SNAPC1: variants seen among roughly 807,000 people sequenced by gnomAD.
The protein encoded by SNAPC1 is snRNA-activating protein complex subunit 1.
In SNAPC1, 42 loss-of-function variants were observed where a neutral mutation model predicts 50.1. The observed-to-expected ratio is 0.84, with a 90% CI of 0.65 to 1.08. The LOEUF (loss-of-function observed/expected upper bound fraction) is 1.08, where lower values mean the gene tolerates loss of function less well. SNAPC1 is among the 50% of genes least tolerant of loss of function. The probability of loss-of-function intolerance (pLI) is 0.00; values close to 1 mark genes in which losing one functional copy is unlikely to be tolerated. For synonymous variants in SNAPC1, 164 were observed against 144.2 expected (o/e 1.14, Z -0.98); for missense variants, 477 against 427.3 (o/e 1.12, Z -1.02).
intron 8 of SNAPC1, among the ~76,000 whole-genome samples, chr14:61,790,312 G>T (rs2045142928): frequency 6.6e-6 from 1 of 152,176 alleles, no homozygotes; most frequent in South Asian, 2.1e-4. Context: ...TGCTATGATG[G>T]ATGAAGATGA....
chr14:61,791,719 T>C (rs1379655117), intron 8 of SNAPC1, among the ~76,000 whole-genome samples: 1 of 152,106 alleles, frequency 6.6e-6, no homozygotes, highest in Non-Finnish European at 1.5e-5. Context: ...CGTGATGGCA[T>C]TCACCTGTAG....
chr14:61,766,813 T>C, intron 1 of SNAPC1, 63 bp from the exon 2 acceptor site: 2 of 939,998 alleles, frequency 2.1e-6, no homozygotes, highest in Non-Finnish European at 3.4e-6. Context: ...GTATATACTT[T>C]TGGCTTTTGT....
In SNAPC1 at chr14:61,762,481, G is replaced by T; in HGVS notation, c.21G>T (p.Leu7=). 1 of 1,613,784 alleles carries T rather than the reference G, an allele frequency of 6.2e-7. No homozygotes were observed. Among genetic ancestry groups the T allele is most frequent in the Non-Finnish European group, 8.5e-7 (1 of 1,179,958 alleles). MGTPPG[L]QTDCEALLSR... is the part of the protein sequence containing the mutation. ...GTGCCATGGGGACTCCTCCCGGCCT[G>T]CAGACCGACTGCGAGGCGCTGCTCA... The change falls in exon 1 of 10, where the codon CTG becomes CTT. Residue 7 remains leucine (L), a synonymous_variant. Transcript: ENST00000216294.
chr14:61,772,302 C>T (rs1007568069), intron 4 of SNAPC1, among the ~76,000 whole-genome samples: 2 of 151,942 alleles, frequency 1.3e-5, no homozygotes, highest in Admixed American at 1.3e-4. Flanking sequence ...GGCTGGAGTG[C>T]AGTGGTATGA....
chr14:61,774,363 A>G (rs2045018075), intron 4 of SNAPC1, among the ~76,000 whole-genome samples: 1 of 152,038 alleles, frequency 6.6e-6, no homozygotes, highest in South Asian at 2.1e-4. Context: ...AAGCTTGTTT[A>G]ATACTTAACA....
In SNAPC1 at chr14:61,762,582, T is replaced by A. The variant is rs1264518896; in HGVS notation, c.122T>A (p.Ile41Asn). ...TGGAGAAACATGAAGTTCGGGACTA[T>A]CTTCTGGTGGGTGTTTCTTGTCCAC... ...ELWRNMKFGT[I>N]FCGRMRNLEK... The change falls in exon 1 of 10, where the codon ATC (isoleucine) becomes AAC (asparagine). Residue 41 changes from isoleucine (I) to asparagine (N), a missense_variant. By Grantham distance (149) the Ile-to-Asn change is moderately radical (BLOSUM62 -3). Coordinates refer to ENST00000216294, the MANE Select transcript of SNAPC1 (RefSeq NM_003082.4). 3 of 1,613,234 alleles carry A rather than the reference T, an allele frequency of 1.9e-6. No homozygotes were observed. The South Asian group carries it at 3.3e-5, about 18-fold the overall frequency.
chr14:61,771,080 C>T (rs967028664), intron 4 of SNAPC1, among the ~76,000 whole-genome samples: 2 of 152,062 alleles, frequency 1.3e-5, no homozygotes, highest in Non-Finnish European at 2.9e-5. Context: ...CTGTAATTAT[C>T]CTCAGATTCT....
intron 1 of SNAPC1, among the ~76,000 whole-genome samples, chr14:61,765,176 C>CTT (rs2044937889): frequency 6.6e-6 from 1 of 152,128 alleles, no homozygotes; most frequent in African/African-American, 2.4e-5. Flanking sequence ...GTTACATTGA[C>CTT]TTTTTTAAGG....
rs1316135680 is a variant in SNAPC1 at position 61,766,980 on chromosome 14, C to G, written c.233C>G (p.Ala78Gly). Residue 78 changes from alanine to glycine, a missense_variant, in exon 2 of 10, where the codon GCT (alanine) becomes GGT (glycine). Coordinates refer to ENST00000216294, the MANE Select transcript of SNAPC1 (RefSeq NM_003082.4). Reference sequence around the variant, plus strand: ...TACACCTTCCAGATCAGAGTTGGTGCTTTGTATCTGCTATATGGATTATAT... The same window carrying G: ...TACACCTTCCAGATCAGAGTTGGTGGTTTGTATCTGCTATATGGATTATAT... ...PPYTFQIRVG[A>G]LYLLYGLYNT... is the part of the protein sequence containing the mutation. 6.2e-7 allele frequency: 1 copy of G among 1,610,598 alleles called. No individual in the cohort carries two copies. Among genetic ancestry groups the G allele is most frequent in the Non-Finnish European group, 8.5e-7 (1 of 1,177,048 alleles).
Position 61,762,423 on chromosome 14 carries a change from G to A in SNAPC1, c.-38G>A. The A allele has an allele frequency of 1.2e-6, 2 of 1,603,834 alleles. No individual in the cohort carries two copies. Among genetic ancestry groups the A allele is most frequent in the East Asian group, 2.2e-5 (1 of 44,742 alleles). ...GACCACCGCTGGCTAGTCCGTTAGAGGCGTGCGGGCTTCGGAGGCGTGCGG... is the reference window on the plus strand; with the variant it reads ...GACCACCGCTGGCTAGTCCGTTAGAAGCGTGCGGGCTTCGGAGGCGTGCGG... On this transcript the variant is annotated 5_prime_UTR_variant, in exon 1 of 10. Transcript: ENST00000216294.
chr14:61,792,370 G>T (rs1007316892), intron 8 of SNAPC1, among the ~76,000 whole-genome samples: 3 of 152,192 alleles, frequency 2.0e-5, no homozygotes, highest in Admixed American at 1.3e-4. Flanking sequence ...AATATATCTT[G>T]TAGAGCATAT....
chr14:61,782,652 G>A (rs2045084882), intron 8 of SNAPC1, among the ~76,000 whole-genome samples: 3 of 152,200 alleles, frequency 2.0e-5, no homozygotes, highest in African/African-American at 7.2e-5. Context: ...GCTCATGCCT[G>A]TAATCCCAGC....
At chr14:61,775,193 G>A (rs1045787652) in intron 4 of SNAPC1, among the ~76,000 whole-genome samples, 1 of 151,918 alleles carries the variant, frequency 6.6e-6, no homozygotes, top group African/African-American at 2.4e-5. Context: ...GGAGATTTTT[G>A]GAGGAAGAAG....
At chr14:61,762,694 A>G in intron 1 of SNAPC1, 106 bp downstream of exon 1, 1 of 1,367,918 alleles carries the variant, frequency 7.3e-7, no homozygotes, top group Non-Finnish European at 1.0e-6. Flanking sequence ...GAAGAGCGGC[A>G]GTCACCGAAG....
At chr14:61,764,145 G>A (rs925251138) in intron 1 of SNAPC1, among the ~76,000 whole-genome samples, 3 of 152,100 alleles carry the variant, frequency 2.0e-5, no homozygotes, top group African/African-American at 7.2e-5. Flanking sequence ...TGTTGGCCAG[G>A]CTGGTCAAAT....
chr14:61,778,359 C>G (rs2045049724), intron 6 of SNAPC1, among the ~76,000 whole-genome samples: 1 of 152,216 alleles, frequency 6.6e-6, no homozygotes, highest in Admixed American at 6.5e-5. Context: ...GAAAGCTTGA[C>G]TATGGAAAGT....
chr14:61,775,982 T>A lies in SNAPC1; in HGVS notation c.535-113T>A, dbSNP rs566710673. 205 of 691,898 alleles carry A rather than the reference T, an allele frequency of 3.0e-4. 3 individuals carry two copies. The South Asian group carries it at 3.9e-3, about 13-fold the overall frequency. 42.9% of individuals were successfully genotyped at this position (691,898 alleles called of 1,614,324 possible). A position where few individuals can be genotyped will look rare whatever the true frequency, so the allele number is the denominator to read the frequency against. On this transcript the variant is annotated intron_variant, in intron 4 of 9. Transcript: ENST00000216294. ...GTTATTTTTAATATACTATAGCATG[T>A]TATTACCTATCAACTGGAAGTCACT...
intron 1 of SNAPC1, among the ~76,000 whole-genome samples, chr14:61,764,249 CAT>C: frequency 1.3e-5 from 2 of 152,294 alleles, no homozygotes; most frequent in East Asian, 3.9e-4. Flanking sequence ...TACCATAGTA[CAT>C]ATAATATTAA....
In SNAPC1 at chr14:61,776,218, G is replaced by A. The variant is rs199990157; in HGVS notation, c.658G>A (p.Val220Ile). ...DDFFDNIKNI[V>I]LEHQQWHKDR... ...TTTTTTTGACAATATTAAGAACATA[G>A]TTTTGGAGCATCAGCAGTGGCACAA... is the stretch of plus-strand genomic sequence containing the variant. Residue 220 changes from valine to isoleucine, a missense_variant, in exon 5 of 10, where the codon GTT (valine) becomes ATT (isoleucine). Physicochemically the swap from Val to Ile is conservative, Grantham distance 29 (BLOSUM62 3). Coordinates refer to ENST00000216294, the MANE Select transcript of SNAPC1 (RefSeq NM_003082.4). 7 of 1,613,300 alleles carry A rather than the reference G, an allele frequency of 4.3e-6. No individual in the cohort carries two copies. Among genetic ancestry groups the A allele is most frequent in the Non-Finnish European group, 5.9e-6 (7 of 1,179,732 alleles).
Sources: gnomAD v4.1 joint callset for allele counts (sites outside exome capture counted in the v4.1 genomes callset) on GRCh38, gnomAD v4.1.1 for gene constraint, MANE v1.5 for transcripts, NCBI Gene and HGNC (gene_info 2026-07-23, HGNC 2026-07-21) for gene names.